Variants in BRINP3 observed in about 807,000 individuals in gnomAD.
BRINP3 encodes BMP/retinoic acid-inducible neural-specific protein 3.
In BRINP3, 19 loss-of-function variants were observed where a neutral mutation model predicts 71.0. That is an observed-to-expected ratio of 0.27 (90% CI 0.19 to 0.39). The LOEUF (loss-of-function observed/expected upper bound fraction) is 0.39. Among genes scored for constraint, BRINP3 ranks in the 10% least tolerant of loss-of-function variants. The probability of loss-of-function intolerance (pLI) is 1.00; values close to 1 mark genes in which losing one functional copy is unlikely to be tolerated. For missense variants in BRINP3, 959 were observed against 940.8 expected, an observed-to-expected ratio of 1.02 and a Z score of -0.25; for synonymous variants, 380 against 337.7, an observed-to-expected ratio of 1.13 and a Z score of -1.37.
chr1:190,159,172 T>C (rs1468198505), intron 7 of BRINP3, among the ~76,000 whole-genome samples: 1 of 152,092 alleles, frequency 6.6e-6, no homozygotes, highest in African/African-American at 2.4e-5. Context: ...CAAAAGATAT[T>C]ATTTCATATT....
At chr1:190,346,025 T>A (rs191578946) in intron 2 of BRINP3, among the ~76,000 whole-genome samples, 4 of 152,036 alleles carry the variant, frequency 2.6e-5, no homozygotes, top group African/African-American at 9.6e-5. Flanking sequence ...TGGAAAATAG[T>A]GACATTTTAG....
chr1:190,382,545 C>A (rs1377891475), intron 2 of BRINP3, among the ~76,000 whole-genome samples: 1 of 152,130 alleles, frequency 6.6e-6, no homozygotes. Context: ...GGAAAACGGA[C>A]ACTCATTCCT....
intron 2 of BRINP3, among the ~76,000 whole-genome samples, chr1:190,387,814 T>C (rs1222976016): frequency 1.3e-5 from 2 of 151,908 alleles, no homozygotes; most frequent in South Asian, 2.1e-4. Flanking sequence ...TTTATGATTA[T>C]GACTCACAAA....
intron 2 of BRINP3, among the ~76,000 whole-genome samples, chr1:190,337,924 C>T (rs749106164): frequency 6.6e-5 from 10 of 151,942 alleles, no homozygotes; most frequent in Non-Finnish European, 1.3e-4. Context: ...GTGTCTACCT[C>T]TTGTCATACT....
chr1:190,101,227 A>C (rs939921902), intron 7 of BRINP3, among the ~76,000 whole-genome samples: 8 of 152,178 alleles, frequency 5.3e-5, no homozygotes, highest in African/African-American at 1.9e-4. Context: ...GATACTTTTA[A>C]GATAAATTCT....
In BRINP3 at chr1:190,300,175, T is replaced by C. The variant is rs964236566; in HGVS notation, c.237-18425A>G. ...AACTTGGTTCCATTCTCCCCATCAC[T>C]TTCAGGTACACCAATCAGACATAGA... On this transcript the variant is annotated intron_variant, in intron 2 of 7. Coordinates refer to ENST00000367462, the MANE Select transcript of BRINP3 (RefSeq NM_199051.3). 1.1e-4 allele frequency among the ~76,000 whole-genome samples: 17 copies of C among 152,276 alleles called. 1 individual carries two copies. Among genetic ancestry groups the C allele is most frequent in the African/African-American group, 4.1e-4 (17 of 41,560 alleles).
intron 4 of BRINP3, among the ~76,000 whole-genome samples, chr1:190,248,109 C>T (rs1283134377): frequency 1.3e-5 from 2 of 151,822 alleles, no homozygotes; most frequent in African/African-American, 4.8e-5. Flanking sequence ...CTTATGAATA[C>T]ACAGAAGAAT....
At chr1:190,323,779 A>G (rs1666403447) in intron 2 of BRINP3, among the ~76,000 whole-genome samples, 1 of 151,964 alleles carries the variant, frequency 6.6e-6, no homozygotes. Flanking sequence ...GCTTTCAGTT[A>G]CACCAAAGAT....
At chr1:190,247,019 A>G (rs1163964706) in intron 4 of BRINP3, among the ~76,000 whole-genome samples, 1 of 151,974 alleles carries the variant, frequency 6.6e-6, no homozygotes, top group Admixed American at 6.6e-5. Context: ...GACATATTAA[A>G]TATAGTTTAA....
intron 2 of BRINP3, among the ~76,000 whole-genome samples, chr1:190,367,547 C>A (rs1189577598): frequency 6.6e-6 from 1 of 152,224 alleles, no homozygotes; most frequent in Non-Finnish European, 1.5e-5. Flanking sequence ...ACGCAAATTT[C>A]TGCAGCTGGC....
intron 4 of BRINP3, among the ~76,000 whole-genome samples, chr1:190,236,467 C>T (rs1285844092): frequency 6.6e-6 from 1 of 151,944 alleles, no homozygotes; most frequent in Non-Finnish European, 1.5e-5. Context: ...AACTCAAATG[C>T]ATTGAGTGTG....
chr1:190,395,174 GC>G (rs1396198014), intron 2 of BRINP3, among the ~76,000 whole-genome samples: 2 of 151,634 alleles, frequency 1.3e-5, no homozygotes, highest in Non-Finnish European at 3.0e-5. Flanking sequence ...TTAATCAGAA[GC>G]ATATTTTGAA....
chr1:190,224,451 C>T (rs1341559214), intron 6 of BRINP3, among the ~76,000 whole-genome samples: 2 of 151,348 alleles, frequency 1.3e-5, no homozygotes, highest in Non-Finnish European at 3.0e-5. Flanking sequence ...AAATCTAGAC[C>T]CCTATCTCTC....
At chr1:190,185,871 T>C (rs1453254562) in intron 6 of BRINP3, among the ~76,000 whole-genome samples, 1 of 152,138 alleles carries the variant, frequency 6.6e-6, no homozygotes, top group Admixed American at 6.6e-5. Flanking sequence ...TTCTTTGTGT[T>C]GGGAATATTC....
At chr1:190,362,723 G>A (rs991134212) in intron 2 of BRINP3, among the ~76,000 whole-genome samples, 4 of 152,130 alleles carry the variant, frequency 2.6e-5, no homozygotes, top group Admixed American at 2.6e-4. Context: ...TCTGATGATT[G>A]TATAAGGGAA....
At chr1:190,112,198 A>T (rs897973026) in intron 7 of BRINP3, among the ~76,000 whole-genome samples, 4 of 152,216 alleles carry the variant, frequency 2.6e-5, no homozygotes, top group Non-Finnish European at 4.4e-5. Flanking sequence ...GACTGGTTAT[A>T]CATGAAAGCT....
At chr1:190,427,558 T>C (rs572610098) in intron 2 of BRINP3, among the ~76,000 whole-genome samples, 1 of 152,100 alleles carries the variant, frequency 6.6e-6, no homozygotes, top group East Asian at 1.9e-4. Flanking sequence ...TGACTCACTG[T>C]TAAAGGTAAT....
intron 7 of BRINP3, among the ~76,000 whole-genome samples, chr1:190,137,605 G>A (rs1212023742): frequency 3.3e-5 from 5 of 152,076 alleles, no homozygotes; most frequent in African/African-American, 7.2e-5. Context: ...TTTTTAAAAA[G>A]AGCAAAACCC....
chr1:190,315,550 G>T (rs929855890), intron 2 of BRINP3, among the ~76,000 whole-genome samples: 1 of 152,090 alleles, frequency 6.6e-6, no homozygotes, highest in Non-Finnish European at 1.5e-5. Context: ...TTTTTATCAA[G>T]AATTGCTTTG....
Sources: allele counts gnomAD v4.1 joint callset (sites outside exome capture counted in the v4.1 genomes callset), GRCh38; gene constraint gnomAD v4.1.1; transcripts MANE v1.5; gene names NCBI Gene and HGNC (gene_info 2026-07-23, HGNC 2026-07-21).